FBXL17: variants seen among roughly 807,000 people sequenced by gnomAD.
The protein encoded by FBXL17 is F-box/LRR-repeat protein 17.
In FBXL17, 22 loss-of-function variants were observed where a neutral mutation model predicts 66.2. The observed-to-expected ratio is 0.33, with a 90% CI of 0.24 to 0.47. The LOEUF (loss-of-function observed/expected upper bound fraction) is 0.47. Ranked by LOEUF, FBXL17 falls within the 20% of genes least tolerant of loss-of-function variation. FBXL17 has a pLI of 1.00. For missense variants in FBXL17, 878 were observed against 948.2 expected (o/e 0.93, Z 0.97); for synonymous variants, 474 against 400.5 (o/e 1.18, Z -2.19).
chr5:107,938,712 C>T (rs560699683), intron 7 of FBXL17, among the ~76,000 whole-genome samples: 10 of 152,122 alleles, frequency 6.6e-5, no homozygotes, highest in African/African-American at 2.2e-4. Flanking sequence ...GCTTCCAACC[C>T]GACATTCTCC....
intron 4 of FBXL17, among the ~76,000 whole-genome samples, chr5:108,260,324 T>C (rs1178172518): frequency 1.3e-5 from 2 of 152,136 alleles, no homozygotes; most frequent in African/African-American, 4.8e-5. Context: ...GTGGTTCCTA[T>C]AGTTCTCTGC....
chr5:108,010,716 G>C (rs780130976), intron 7 of FBXL17, among the ~76,000 whole-genome samples: 6 of 151,930 alleles, frequency 3.9e-5, no homozygotes, highest in Non-Finnish European at 8.8e-5. Context: ...AAGAAAACAG[G>C]AATCAAATGA....
intron 7 of FBXL17, among the ~76,000 whole-genome samples, chr5:107,980,590 C>G (rs1752769210): frequency 7.0e-6 from 1 of 143,836 alleles, no homozygotes; most frequent in Non-Finnish European, 1.5e-5. Flanking sequence ...CCGACCTCGG[C>G]TTCCCAAAGT....
intron 6 of FBXL17, among the ~76,000 whole-genome samples, chr5:108,039,569 C>T (rs1046872864): frequency 1.3e-5 from 2 of 151,936 alleles, no homozygotes; most frequent in Non-Finnish European, 2.9e-5. Context: ...AAATTACTTC[C>T]CAAAGCAAAG....
intron 7 of FBXL17, among the ~76,000 whole-genome samples, chr5:108,019,350 A>G (rs1158374478): frequency 6.6e-6 from 1 of 152,136 alleles, no homozygotes; most frequent in African/African-American, 2.4e-5. Context: ...TGTACTTGAT[A>G]ACTTAATAGT....
rs1752786072 is a variant in FBXL17, at chr5:107,980,666, T to TA, written c.1822+40258_1822+40259insT. Among the ~76,000 whole-genome samples the TA allele has an allele frequency of 4.2e-5, 2 of 47,968 alleles. 1 individual carries two copies. The highest frequency in any genetic ancestry group is 3.7e-4 in the African/African-American group (2 of 5,454). 31.5% of individuals were successfully genotyped at this position (47,968 alleles called of 152,430 possible). A position where few individuals can be genotyped will look rare whatever the true frequency, so the allele number is the denominator to read the frequency against. On this transcript the variant is annotated intron_variant, in intron 7 of 8. Transcript: ENST00000542267. ...AAATAATATATATATATATATATAT[T>TA]TTTTTTTTGAGATGGAGTCTTGCTC...
At position 108,009,232 on chromosome 5, in the gene FBXL17, T is replaced by TATATATAC. The variant is rs1298294744; in HGVS notation, c.1822+11692_1822+11693insGTATATAT. On this transcript the variant is annotated intron_variant, in intron 7 of 8. Coordinates refer to ENST00000542267, the MANE Select transcript of FBXL17 (RefSeq NM_001163315.3). Reference sequence around the variant, plus strand: ...ATATATATATATATATATATATATATACAGCTTGGTCGTGAGTTGTTCCCT... The same window carrying TATATATAC: ...ATATATATATATATATATATATATATATATATACACAGCTTGGTCGTGAGTTGTTCCCT... Among the ~76,000 whole-genome samples the TATATATAC allele has an allele frequency of 1.5e-3, 29 of 18,994 alleles. 3 individuals carry two copies. The highest frequency in any genetic ancestry group is 5.5e-3 in the African/African-American group (29 of 5,316). The allele number at this position is 18,994 out of a possible 152,430, so 12.5% of individuals were successfully genotyped here.
chr5:107,980,645 A>ATATATATATATATATATATATATATAT lies in FBXL17; in HGVS notation c.1822+40279_1822+40280insATATATATATATATATATATATATATA, dbSNP rs1554054251. Among the ~76,000 whole-genome samples the ATATATATATATATATATATATATATAT allele has an allele frequency of 1.1e-3, 90 of 79,098 alleles. 7 individuals carry two copies. The highest frequency in any genetic ancestry group is 2.2e-3 in the African/African-American group (29 of 13,404). 51.9% of individuals were successfully genotyped at this position (79,098 alleles called of 152,430 possible). ...AGCCACCATGACTGGCCAATAAAAT[A>ATATATATATATATATATATATATATAT]ATATATATATATATATATATTTTTT... On this transcript the variant is annotated intron_variant, in intron 7 of 8. Coordinates refer to ENST00000542267, the MANE Select transcript of FBXL17 (RefSeq NM_001163315.3).
intron 6 of FBXL17, among the ~76,000 whole-genome samples, chr5:108,140,194 T>C (rs1276058440): frequency 2.0e-5 from 3 of 152,240 alleles, no homozygotes; most frequent in Admixed American, 6.5e-5. Context: ...TATAGGCACA[T>C]GTCACCACAT....
At chr5:108,130,718 A>G (rs1396711201) in intron 6 of FBXL17, among the ~76,000 whole-genome samples, 3 of 152,026 alleles carry the variant, frequency 2.0e-5, no homozygotes, top group Non-Finnish European at 4.4e-5. Context: ...TAACTTTTAT[A>G]GACTGTCAAT....
intron 7 of FBXL17, among the ~76,000 whole-genome samples, chr5:107,937,670 G>A (rs1750957310): frequency 6.6e-6 from 1 of 152,066 alleles, no homozygotes; most frequent in Admixed American, 6.6e-5. Context: ...TTTCTCTCTT[G>A]TGGCATCTTG....
At chr5:108,285,868 T>C (rs1304415715) in intron 4 of FBXL17, among the ~76,000 whole-genome samples, 5 of 151,150 alleles carry the variant, frequency 3.3e-5, no homozygotes, top group Non-Finnish European at 5.9e-5. Context: ...ATATCGTTGA[T>C]GAACATAGAC....
At chr5:107,971,612 A>G (rs1413025570) in intron 7 of FBXL17, among the ~76,000 whole-genome samples, 1 of 152,182 alleles carries the variant, frequency 6.6e-6, no homozygotes, top group Non-Finnish European at 1.5e-5. Flanking sequence ...TTGTCACTTT[A>G]TAACAGAACT....
chr5:108,073,518 CA>C (rs1283827212), intron 6 of FBXL17, among the ~76,000 whole-genome samples: 2 of 151,584 alleles, frequency 1.3e-5, no homozygotes, highest in Non-Finnish European at 2.9e-5. Context: ...GAAAAATAAC[CA>C]AAACTAAAAA....
chr5:107,943,540 A>G (rs574012371), intron 7 of FBXL17, among the ~76,000 whole-genome samples: 47 of 123,008 alleles, frequency 3.8e-4, no homozygotes, highest in East Asian at 3.4e-3. Context: ...TTTGTTTAGA[A>G]CCTCATCTTT....
At chr5:107,920,543 T>C (rs1325636307) in intron 7 of FBXL17, among the ~76,000 whole-genome samples, 1 of 152,140 alleles carries the variant, frequency 6.6e-6, no homozygotes, top group Non-Finnish European at 1.5e-5. Context: ...TCAGAAGGGA[T>C]TGCAACAACC....
intron 7 of FBXL17, among the ~76,000 whole-genome samples, chr5:107,947,751 C>A (rs187765708): frequency 6.6e-6 from 1 of 152,122 alleles, no homozygotes; most frequent in Non-Finnish European, 1.5e-5. Context: ...GGGCTCCAGG[C>A]TGAATAAAGA....
At chr5:108,039,762 GA>G (rs987560365) in intron 6 of FBXL17, among the ~76,000 whole-genome samples, 1 of 151,884 alleles carries the variant, frequency 6.6e-6, no homozygotes, top group African/African-American at 2.4e-5. Flanking sequence ...CATTAAAGTA[GA>G]AAAAATTAAT....
rs1580677932 is a variant in FBXL17 at position 107,881,784 on chromosome 5, GTT to G, written c.1823-607_1823-606del. Among the ~76,000 whole-genome samples the G allele has an allele frequency of 2.6e-5, 4 of 152,306 alleles. No individual in the cohort carries two copies. The East Asian group carries it at 7.7e-4, about 29-fold the overall frequency. On this transcript the variant is annotated intron_variant, in intron 7 of 8. Coordinates refer to ENST00000542267, the MANE Select transcript of FBXL17 (RefSeq NM_001163315.3). ...AGAGTGCAGTAAACAGAATGCATTT[GTT>G]ATGGTGAATTTCCTCATCCTATCAG...
Sources: allele counts gnomAD v4.1 joint callset (sites outside exome capture counted in the v4.1 genomes callset), GRCh38; gene constraint gnomAD v4.1.1; transcripts MANE v1.5; gene names NCBI Gene and HGNC (gene_info 2026-07-23, HGNC 2026-07-21).